Variants in ZNF608 observed in about 807,000 individuals in gnomAD.
The protein encoded by ZNF608 is zinc finger protein 608.
A neutral mutation model predicts 109.0 loss-of-function variants in ZNF608; 12 were observed. That is an observed-to-expected ratio of 0.11 (90% CI 0.07 to 0.18). The LOEUF is 0.18. Among genes scored for constraint, ZNF608 ranks in the 10% least tolerant of loss-of-function variants. The pLI, the probability that ZNF608 is intolerant of heterozygous loss-of-function variation, is 1.00. For synonymous variants in ZNF608, 732 were observed against 717.4 expected (o/e 1.02, Z -0.33); for missense variants, 1,707 against 1,879.3 (o/e 0.91, Z 1.70).
chr5:124,699,909 T>A (rs756913007), intron 3 of ZNF608, among the ~76,000 whole-genome samples: 6 of 152,200 alleles, frequency 3.9e-5, no homozygotes, highest in Non-Finnish European at 5.9e-5. Flanking sequence ...TTTCACCTTC[T>A]CCCTTTGAGT....
chr5:124,684,620 C>T (rs192086283), intron 3 of ZNF608, among the ~76,000 whole-genome samples: 1 of 152,246 alleles, frequency 6.6e-6, no homozygotes, highest in East Asian at 1.9e-4. Context: ...GAAAGAACTT[C>T]GTTAGGTCAT....
chr5:124,684,867 A>C (rs1424421480), intron 3 of ZNF608, among the ~76,000 whole-genome samples: 7 of 152,230 alleles, frequency 4.6e-5, no homozygotes. Flanking sequence ...AATAGTAGTC[A>C]TAACTGAAAT....
intron 2 of ZNF608, among the ~76,000 whole-genome samples, chr5:124,740,363 G>C (rs1436689131): frequency 6.6e-6 from 1 of 152,136 alleles, no homozygotes; most frequent in East Asian, 1.9e-4. Flanking sequence ...GTCTTTAACA[G>C]CTAAACCTCT....
At position 124,644,327 on chromosome 5, in the gene ZNF608, T is replaced by G; in HGVS notation, c.4040A>C (p.His1347Pro). 1 of 1,614,170 alleles carries G rather than the reference T, an allele frequency of 6.2e-7. No individual in the cohort carries two copies. The highest frequency in any genetic ancestry group is 8.5e-7 in the Non-Finnish European group (1 of 1,179,984). Residue 1347 changes from histidine to proline, a missense_variant, in exon 6 of 10, where the codon CAT becomes CCT. Around this residue, in one of 7 missense-constraint regions of ZNF608, gnomAD observed 1,073 missense variants for 1,133.5 expected, o/e 0.95. Coordinates refer to ENST00000513986, the MANE Select transcript of ZNF608 (RefSeq NM_020747.3). ...SQHQSYIQYL[H>P]AYPYPQMYDP... is the part of the protein sequence containing the mutation. ...GTACATCTGTGGGTAAGGATAAGCA[T>G]GCAAGTACTGTATGTATGACTGATG...
chr5:124,731,285 A>G lies in ZNF608; in HGVS notation c.906+12799T>C, dbSNP rs548044340. Among the ~76,000 whole-genome samples the G allele has an allele frequency of 2.6e-5, 4 of 152,276 alleles. No homozygotes were observed. The South Asian group carries it at 8.3e-4, about 32-fold the overall frequency. On this transcript the variant is annotated intron_variant, in intron 2 of 9. Transcript: ENST00000513986. Reference sequence around the variant, plus strand: ...GTGTGCAGTGGCACGATGTCAGCTCACTGCAACCTCTGCCTCCCGGGTTCA... The same window carrying G: ...GTGTGCAGTGGCACGATGTCAGCTCGCTGCAACCTCTGCCTCCCGGGTTCA...
chr5:124,649,874 C>A (rs1750703012), intron 3 of ZNF608, among the ~76,000 whole-genome samples, 177 bp from the exon 4 acceptor site: 1 of 152,170 alleles, frequency 6.6e-6, no homozygotes, highest in African/African-American at 2.4e-5. Flanking sequence ...TTAAAACCCA[C>A]AGGAAATAAT....
rs772539010 is a variant in ZNF608, at chr5:124,744,473, T to C, written c.517A>G (p.Ser173Gly). 3.7e-6 allele frequency: 6 copies of C among 1,614,144 alleles called. No homozygotes were observed. Among genetic ancestry groups the C allele is most frequent in the Non-Finnish European group, 5.1e-6 (6 of 1,180,056 alleles). ...GCCCCCGCGGTGGCGGCAGAGGTGCTGGTGCTGGTACTATTGCTGTTTGGG... is the reference window on the plus strand; with the variant it reads ...GCCCCCGCGGTGGCGGCAGAGGTGCCGGTGCTGGTACTATTGCTGTTTGGG... ...GNPNSNSTST[S>G]TSAATAGAGS... is the part of the protein sequence containing the mutation. The change falls in exon 2 of 10, where the codon AGC becomes GGC. Residue 173 changes from serine to glycine, a missense_variant. By Grantham distance (56) the Ser-to-Gly change is moderately conservative. Coordinates refer to ENST00000513986, the MANE Select transcript of ZNF608 (RefSeq NM_020747.3). The surrounding 1 kb of genome is among the most constrained non-coding windows in gnomAD (Gnocchi z 4.5).
chr5:124,694,748 G>T (rs1178366651), intron 3 of ZNF608, among the ~76,000 whole-genome samples: 3 of 142,784 alleles, frequency 2.1e-5, no homozygotes, highest in African/African-American at 7.9e-5. Context: ...AGGCCTGGGT[G>T]TGTGATGTTC....
At chr5:124,699,307 AC>A (rs1313328069) in intron 3 of ZNF608, among the ~76,000 whole-genome samples, 1 of 152,198 alleles carries the variant, frequency 6.6e-6, no homozygotes, top group Non-Finnish European at 1.5e-5. Flanking sequence ...CCCACATGGG[AC>A]CCCTTGTACT....
At chr5:124,677,774 A>G (rs565895080) in intron 3 of ZNF608, among the ~76,000 whole-genome samples, 1 of 152,310 alleles carries the variant, frequency 6.6e-6, no homozygotes, top group Admixed American at 6.5e-5. Context: ...TATGATCAAT[A>G]GAGCAAAGCC....
intron 3 of ZNF608, among the ~76,000 whole-genome samples, chr5:124,667,699 A>T (rs1288181294): frequency 3.9e-5 from 6 of 152,202 alleles, no homozygotes; most frequent in Non-Finnish European, 8.8e-5. Context: ...ACTATTCAAA[A>T]TGTCTTCCAA....
chr5:124,682,385 T>G, intron 3 of ZNF608, among the ~76,000 whole-genome samples: 1 of 152,222 alleles, frequency 6.6e-6, no homozygotes, highest in East Asian at 1.9e-4. Context: ...CCATGAATCC[T>G]TTTTTAGGAA....
intron 8 of ZNF608, among the ~76,000 whole-genome samples, chr5:124,639,610 T>G (rs967792527): frequency 6.6e-6 from 1 of 152,190 alleles, no homozygotes; most frequent in African/African-American, 2.4e-5. Context: ...TCATAATAAT[T>G]GTTATCACTT....
intron 2 of ZNF608, among the ~76,000 whole-genome samples, chr5:124,714,624 T>C (rs1406893503): frequency 6.6e-6 from 1 of 152,238 alleles, no homozygotes; most frequent in Non-Finnish European, 1.5e-5. Context: ...ATTACCTAAT[T>C]GTATTTAATG....
intron 2 of ZNF608, among the ~76,000 whole-genome samples, chr5:124,723,463 G>A (rs1188293199): frequency 6.6e-6 from 1 of 152,146 alleles, no homozygotes; most frequent in African/African-American, 2.4e-5. Flanking sequence ...CAAGGTGGGT[G>A]GATCACCTGA....
At chr5:124,706,358 C>G (rs12516506) in intron 2 of ZNF608, among the ~76,000 whole-genome samples, 1,612 of 152,244 alleles carry the variant, frequency 0.011, 68 homozygotes, top group East Asian at 0.097. Context: ...TAAACAGGGG[C>G]TATTGCTATT....
intron 3 of ZNF608, among the ~76,000 whole-genome samples, chr5:124,679,437 T>C (rs28613393): frequency 2.8e-4 from 32 of 114,710 alleles, no homozygotes; most frequent in East Asian, 8.6e-4. Context: ...CCCTCCCTCC[T>C]TCCTTCCTTC....
chr5:124,673,398 G>A (rs1580594410), intron 3 of ZNF608, among the ~76,000 whole-genome samples: 1 of 152,140 alleles, frequency 6.6e-6, no homozygotes, highest in African/African-American at 2.4e-5. Context: ...TAAGCAGTTT[G>A]TACATTTTTT....
At chr5:124,664,833 A>G (rs1751410477) in intron 3 of ZNF608, among the ~76,000 whole-genome samples, 1 of 152,228 alleles carries the variant, frequency 6.6e-6, no homozygotes, top group Non-Finnish European at 1.5e-5. Context: ...TGATGATGAT[A>G]GTGGTATGTT....
Sources: allele counts gnomAD v4.1 joint callset (sites outside exome capture counted in the v4.1 genomes callset), GRCh38; gene constraint gnomAD v4.1.1; regional missense constraint gnomAD v4.1.1; non-coding constraint Gnocchi (gnomAD v3.1); transcripts MANE v1.5; gene names NCBI Gene and HGNC (gene_info 2026-07-23, HGNC 2026-07-21).